Variants in TENM2 observed in about 807,000 individuals in gnomAD.
The protein encoded by TENM2 is teneurin-2.
TENM2 carries 52 observed loss-of-function variants against 245.2 expected under a neutral mutation model. The observed-to-expected ratio is 0.21, with a 90% CI of 0.17 to 0.27. The LOEUF is 0.27. TENM2 is among the 10% of genes least tolerant of loss of function. TENM2 has a pLI of 1.00. For missense variants in TENM2, 3,046 were observed against 3,666.8 expected (o/e 0.83, Z 4.37); for synonymous variants, 1,363 against 1,438.9 (o/e 0.95, Z 1.19).
chr5:167,075,215 A>G, the TENM2 span, among the ~76,000 whole-genome samples: 3 of 152,060 alleles, frequency 2.0e-5, no homozygotes, highest in Non-Finnish European at 4.4e-5. Context: ...AGAGAGAGAG[A>G]GTTTCATGGG....
At position 168,247,872 on chromosome 5, in the gene TENM2, C is replaced by T; in HGVS notation, c.6933C>T (p.Tyr2311=). ...ATGGCGTAGGACGGCGGGCTTCCTA[C>T]AAGACCAACCTGGGCCACCACCTGC... Residue 2311 remains tyrosine, a synonymous_variant, in exon 27 of 29, where the codon TAC becomes TAT. Coordinates refer to ENST00000518659, the Ensembl canonical transcript of TENM2. This position sits in a 1 kb window ranked among gnomAD's most constrained non-coding sequence, Gnocchi z 7.8. The T allele has an allele frequency of 1.2e-6, 2 of 1,613,992 alleles. No individual in the cohort carries two copies. The highest frequency in any genetic ancestry group is 2.2e-5 in the East Asian group (1 of 44,876).
chr5:167,417,023 C>A (rs1291772924), intron 2 of TENM2, among the ~76,000 whole-genome samples: 1 of 152,122 alleles, frequency 6.6e-6, no homozygotes, highest in African/African-American at 2.4e-5. Context: ...CAAAGATAAT[C>A]TATAATCAAA....
chr5:167,182,369 CTT>C, the TENM2 span, among the ~76,000 whole-genome samples: 1 of 151,890 alleles, frequency 6.6e-6, no homozygotes, highest in South Asian at 2.1e-4. Flanking sequence ...TCTTGAGAGA[CTT>C]TTGTTGCCTT....
chr5:168,251,536 A>G (rs1027657579), intron 27 of TENM2, among the ~76,000 whole-genome samples: 1 of 152,196 alleles, frequency 6.6e-6, no homozygotes, highest in African/African-American at 2.4e-5. Context: ...GGCACAGCCC[A>G]CGCTCGGGCA....
intron 4 of TENM2, among the ~76,000 whole-genome samples, chr5:167,982,596 T>A (rs1290531688): frequency 6.6e-6 from 1 of 152,144 alleles, no homozygotes; most frequent in Non-Finnish European, 1.5e-5. Context: ...AGAGGAGGCA[T>A]CTGAGGACCA....
chr5:167,957,392 T>C (rs1780645766), intron 4 of TENM2, among the ~76,000 whole-genome samples: 1 of 152,174 alleles, frequency 6.6e-6, no homozygotes, highest in Non-Finnish European at 1.5e-5. Context: ...TGGCCGGCAG[T>C]CTATCTATTT....
rs139063066 is a variant in TENM2 at position 167,520,708 on chromosome 5, T to C, written c.502+145235T>C. On this transcript the variant is annotated intron_variant, in intron 2 of 28. Transcript: ENST00000518659. ...TGTGGCTTGCCTTCTAGGTGTGTGT[T>C]CTTCTCTCTACTCTTCATCTTTTCT... 4.6e-5 allele frequency among the ~76,000 whole-genome samples: 7 copies of C among 152,074 alleles called. No homozygotes were observed. In the East Asian group the frequency reaches 1.4e-3, roughly 30 times the overall value.
the TENM2 span, among the ~76,000 whole-genome samples, chr5:167,228,680 C>T: frequency 1.9e-3 from 282 of 151,546 alleles, 1 homozygote; most frequent in Non-Finnish European, 3.3e-3. Flanking sequence ...ATAATCTGGA[C>T]GTCTGGTGTA....
chr5:167,900,776 C>G (rs1015460308), intron 3 of TENM2, among the ~76,000 whole-genome samples: 1 of 148,014 alleles, frequency 6.8e-6, no homozygotes, highest in Admixed American at 6.8e-5. Flanking sequence ...GTCAGCCTGG[C>G]GTGTCCTGTC....
chr5:167,419,649 C>T (rs1581989708), intron 2 of TENM2, among the ~76,000 whole-genome samples: 1 of 152,154 alleles, frequency 6.6e-6, no homozygotes, highest in South Asian at 2.1e-4. Flanking sequence ...CCCTGACTAA[C>T]ACTATGAAAA....
chr5:167,056,233 T>C, the TENM2 span, among the ~76,000 whole-genome samples: 2 of 151,852 alleles, frequency 1.3e-5, no homozygotes, highest in African/African-American at 4.8e-5. Flanking sequence ...TAGACATTTC[T>C]TACAAGGCAG....
chr5:167,310,445 A>G (rs1403364917), intron 1 of TENM2, among the ~76,000 whole-genome samples: 1 of 152,188 alleles, frequency 6.6e-6, no homozygotes, highest in Non-Finnish European at 1.5e-5. Context: ...TATTGATGCT[A>G]TCACCTGGCA....
chr5:167,858,058 G>C (rs116399029), intron 2 of TENM2, among the ~76,000 whole-genome samples: 1,633 of 152,308 alleles, frequency 0.011, 40 homozygotes, highest in African/African-American at 0.037. Context: ...ACTTCATCTA[G>C]ATCATTCTAT....
At chr5:167,916,027 A>G (rs575781823) in intron 3 of TENM2, among the ~76,000 whole-genome samples, 2 of 152,298 alleles carry the variant, frequency 1.3e-5, no homozygotes, top group African/African-American at 4.8e-5. Flanking sequence ...AAAAGGGCCT[A>G]ATTTATAGGT....
intron 2 of TENM2, among the ~76,000 whole-genome samples, chr5:167,403,511 G>C (rs746773730): frequency 7.9e-5 from 12 of 152,000 alleles, no homozygotes; most frequent in Non-Finnish European, 1.6e-4. Context: ...TCAATGCTTC[G>C]CAGGTCTTCA....
Position 167,375,084 on chromosome 5 carries a change from G to C in TENM2, c.227-114G>C, listed in dbSNP as rs79488730. ...AAGATCTGTTTCTGTACACCATGGT[G>C]AATTTGATGTATCTGTCAGATGGGA... On this transcript the variant is annotated intron_variant, in intron 1 of 28. Transcript: ENST00000518659. The C allele has an allele frequency of 1.3e-3, 1,334 of 1,052,078 alleles. 15 individuals are homozygous for C. The African/African-American group carries it at 0.02, about 16-fold the overall frequency. 65.2% of individuals were successfully genotyped at this position (1,052,078 alleles called of 1,614,324 possible). A position where few individuals can be genotyped will look rare whatever the true frequency, so the allele number is the denominator to read the frequency against.
At chr5:167,165,309 T>C in the TENM2 span, 1 of 152,234 alleles carries the variant, frequency 6.6e-6, no homozygotes, top group Non-Finnish European at 1.5e-5. Flanking sequence ...AGGTTTCTTC[T>C]GTCTTGTGGC....
chr5:167,450,263 G>A (rs1023624693), intron 2 of TENM2, among the ~76,000 whole-genome samples: 3 of 151,980 alleles, frequency 2.0e-5, no homozygotes, highest in Non-Finnish European at 4.4e-5. Flanking sequence ...TTGTTCCCTG[G>A]ATTTTCATAA....
chr5:167,801,905 G>GAC (rs10643504), intron 2 of TENM2, among the ~76,000 whole-genome samples: 9,445 of 148,536 alleles, frequency 0.064, 625 homozygotes, highest in African/African-American at 0.16. Context: ...CACACACACA[G>GAC]ACACACACAC....
Sources: allele counts gnomAD v4.1 joint callset (sites outside exome capture counted in the v4.1 genomes callset), GRCh38; gene constraint gnomAD v4.1.1; non-coding constraint Gnocchi (gnomAD v3.1); transcripts MANE v1.5; gene names NCBI Gene and HGNC (gene_info 2026-07-23, HGNC 2026-07-21).